The following PARM1 variants were observed in gnomAD, a reference collection of about 807,000 sequenced individuals.
PARM1 encodes WSC4, cell wall integrity and stress response component 4 homolog.
In PARM1, 14 loss-of-function variants were observed where a neutral mutation model predicts 24.6. The ratio of observed to expected loss-of-function variants is 0.57; its 90% CI spans 0.38 to 0.89. The LOEUF is 0.89. Ranked by LOEUF, PARM1 falls within the 40% of genes least tolerant of loss-of-function variation. PARM1 has a pLI of 0.00. For synonymous variants in PARM1, 179 were observed against 156.6 expected, an observed-to-expected ratio of 1.14 and a Z score of -1.07; for missense variants, 362 against 380.4, an observed-to-expected ratio of 0.95 and a Z score of 0.40.
chr4:74,985,169 A>T (rs1182012851), intron 1 of PARM1, among the ~76,000 whole-genome samples: 1 of 152,220 alleles, frequency 6.6e-6, no homozygotes, highest in African/African-American at 2.4e-5. Flanking sequence ...CCCAGGTGGC[A>T]GCTATGCGGG....
At chr4:74,986,007 T>C (rs933696333) in intron 1 of PARM1, among the ~76,000 whole-genome samples, 4 of 152,192 alleles carry the variant, frequency 2.6e-5, no homozygotes, top group Admixed American at 2.0e-4. Flanking sequence ...GACCTCGTGA[T>C]CCACCTGCCT....
intron 1 of PARM1, among the ~76,000 whole-genome samples, chr4:74,970,895 G>A (rs1310697159): frequency 6.6e-6 from 1 of 152,148 alleles, no homozygotes; most frequent in East Asian, 1.9e-4. Flanking sequence ...GGCCTAGTAT[G>A]AGTCCTGGCT....
intron 1 of PARM1, among the ~76,000 whole-genome samples, chr4:74,979,087 A>G (rs1285303136): frequency 6.6e-6 from 1 of 152,192 alleles, no homozygotes; most frequent in Middle Eastern, 3.4e-3. Flanking sequence ...AAACTAACAG[A>G]AATAAGAAAC....
At chr4:75,045,693 C>T (rs955846099) in intron 3 of PARM1, among the ~76,000 whole-genome samples, 8 of 152,194 alleles carry the variant, frequency 5.3e-5, no homozygotes, top group African/African-American at 1.9e-4. Flanking sequence ...CAAGTAAAAA[C>T]TAAATATAGA....
chr4:74,985,156 G>A (rs1722328331), intron 1 of PARM1, among the ~76,000 whole-genome samples: 2 of 152,162 alleles, frequency 1.3e-5, no homozygotes, highest in African/African-American at 4.8e-5. Context: ...ATAACACAAA[G>A]GGCCCAGGTG....
At chr4:75,024,428 ACT>A (rs892927031) in intron 2 of PARM1, among the ~76,000 whole-genome samples, 7 of 151,866 alleles carry the variant, frequency 4.6e-5, no homozygotes, top group African/African-American at 1.7e-4. Context: ...TGAAACTATG[ACT>A]CTCTGTTCCC....
chr4:74,958,544 A>G (rs185501748), intron 1 of PARM1, among the ~76,000 whole-genome samples: 15 of 152,360 alleles, frequency 9.8e-5, no homozygotes, highest in African/African-American at 3.4e-4. Flanking sequence ...GACAAAGCAT[A>G]TACAAAGGTC....
chr4:74,934,689 T>A (rs1721139205), intron 1 of PARM1, among the ~76,000 whole-genome samples: 1 of 152,146 alleles, frequency 6.6e-6, no homozygotes, highest in Admixed American at 6.5e-5. Context: ...GTCCGGCAGG[T>A]GCAATAGGCA....
intron 1 of PARM1, among the ~76,000 whole-genome samples, chr4:74,950,757 C>G (rs988767143): frequency 2.0e-5 from 3 of 151,746 alleles, no homozygotes; most frequent in Admixed American, 1.3e-4. Context: ...TATTTGTTTC[C>G]TTATTTATCT....
chr4:74,935,992 C>T (rs1721174926), intron 1 of PARM1, among the ~76,000 whole-genome samples: 1 of 152,062 alleles, frequency 6.6e-6, no homozygotes, highest in Non-Finnish European at 1.5e-5. Context: ...CCACCATAGG[C>T]AGCTAAATTT....
At chr4:74,953,803 C>T (rs965743539) in intron 1 of PARM1, among the ~76,000 whole-genome samples, 3 of 152,184 alleles carry the variant, frequency 2.0e-5, no homozygotes, top group Admixed American at 6.6e-5. Context: ...CTGAGAACAT[C>T]CTGGCCTCTC....
At chr4:75,022,456 T>C (rs1426813170) in intron 2 of PARM1, among the ~76,000 whole-genome samples, 1 of 152,260 alleles carries the variant, frequency 6.6e-6, no homozygotes, top group African/African-American at 2.4e-5. Context: ...CATGTCAAGG[T>C]AATAAAATCA....
At chr4:74,949,219 A>G (rs1354534414) in intron 1 of PARM1, among the ~76,000 whole-genome samples, 1 of 152,168 alleles carries the variant, frequency 6.6e-6, no homozygotes, top group East Asian at 1.9e-4. Context: ...GGAGCTTTCC[A>G]TAGGAAGGAG....
intron 1 of PARM1, among the ~76,000 whole-genome samples, chr4:74,964,071 TTGAG>T (rs946070225): frequency 1.3e-5 from 2 of 152,292 alleles, no homozygotes; most frequent in Non-Finnish European, 2.9e-5. Flanking sequence ...GTCAGGGAGT[TTGAG>T]TGGACACTGA....
intron 1 of PARM1, 60 bp from the exon 2 acceptor site, chr4:75,012,365 C>T (rs993260611): frequency 1.9e-6 from 3 of 1,553,350 alleles, no homozygotes; most frequent in Non-Finnish European, 1.8e-6. Context: ...AGCCTTGCCT[C>T]TATTTCACAT....
chr4:75,024,513 G>C (rs997454765), intron 2 of PARM1, among the ~76,000 whole-genome samples: 1 of 152,126 alleles, frequency 6.6e-6, no homozygotes, highest in African/African-American at 2.4e-5. Context: ...TTTGTCCTGG[G>C]CTTTTAGAAG....
chr4:74,953,490 C>T (rs1721569947), intron 1 of PARM1, among the ~76,000 whole-genome samples: 1 of 152,336 alleles, frequency 6.6e-6, no homozygotes, highest in African/African-American at 2.4e-5. Context: ...AGTCATTGTT[C>T]TGCCAAAGCA....
intron 1 of PARM1, among the ~76,000 whole-genome samples, chr4:75,000,876 A>G (rs750027748): frequency 6.6e-6 from 1 of 152,232 alleles, no homozygotes; most frequent in African/African-American, 2.4e-5. Flanking sequence ...GAACTTGTCC[A>G]AGATCACAAA....
chr4:74,937,055 G>C (rs915610148), intron 1 of PARM1, among the ~76,000 whole-genome samples: 2 of 152,030 alleles, frequency 1.3e-5, no homozygotes, highest in African/African-American at 4.8e-5. Flanking sequence ...ACTCAGCTAG[G>C]GATCCTATTT....
Sources: gnomAD v4.1 joint callset for allele counts (sites outside exome capture counted in the v4.1 genomes callset) on GRCh38, gnomAD v4.1.1 for gene constraint, MANE v1.5 for transcripts, NCBI Gene and HGNC (gene_info 2026-07-23, HGNC 2026-07-21) for gene names.